TRPC7: variants seen among roughly 807,000 people sequenced by gnomAD.
The protein encoded by TRPC7 is transient receptor potential cation channel subfamily C member 7, also known as short transient receptor potential channel 7.
Under a neutral mutation model 90.1 loss-of-function variants are expected in TRPC7, and 42 were observed. That is an observed-to-expected ratio of 0.47 (90% confidence interval 0.36 to 0.60). The LOEUF (loss-of-function observed/expected upper bound fraction) is 0.60, where lower values mean the gene tolerates loss of function less well. TRPC7 is among the 20% of genes least tolerant of loss of function. The pLI is 0.00. For synonymous variants in TRPC7, 451 were observed against 436.3 expected (o/e 1.03, Z -0.42); for missense variants, 955 against 1,112.3 (o/e 0.86, Z 2.01).
chr5:136,232,387 T>G (rs2149797526), intron 7 of TRPC7, among the ~76,000 whole-genome samples: 1 of 152,350 alleles, frequency 6.6e-6, no homozygotes, highest in East Asian at 1.9e-4. Context: ...TGACCAGCTC[T>G]GTGGCGGGCT....
intron 3 of TRPC7, among the ~76,000 whole-genome samples, chr5:136,280,440 C>T (rs925944761): frequency 6.6e-6 from 1 of 152,192 alleles, no homozygotes; most frequent in African/African-American, 2.4e-5. Flanking sequence ...GCTCAATAAA[C>T]TTCTGTTGAG....
intron 2 of TRPC7, among the ~76,000 whole-genome samples, chr5:136,326,094 T>G (rs977510813): frequency 3.3e-5 from 5 of 152,150 alleles, no homozygotes; most frequent in Non-Finnish European, 5.9e-5. Flanking sequence ...GAAAAATGAG[T>G]GCTTAAAACC....
intron 5 of TRPC7, among the ~76,000 whole-genome samples, chr5:136,262,171 A>G (rs1173778792): frequency 6.6e-6 from 1 of 152,202 alleles, no homozygotes; most frequent in Non-Finnish European, 1.5e-5. Flanking sequence ...TTCTGCTCGT[A>G]TCCCACAATC....
chr5:136,282,738 T>G (rs1274615523), intron 3 of TRPC7, among the ~76,000 whole-genome samples: 6 of 152,190 alleles, frequency 3.9e-5, no homozygotes, highest in Non-Finnish European at 7.3e-5. Flanking sequence ...AACATGTGTG[T>G]AACCCAGATG....
At chr5:136,232,629 T>A (rs1561680888) in intron 7 of TRPC7, among the ~76,000 whole-genome samples, 1 of 152,216 alleles carries the variant, frequency 6.6e-6, no homozygotes, top group Non-Finnish European at 1.5e-5. Context: ...TTGGCCCTTT[T>A]GAGACTACGA....
At chr5:136,279,991 GA>G (rs397957114) in intron 3 of TRPC7, among the ~76,000 whole-genome samples, 195 of 146,578 alleles carry the variant, frequency 1.3e-3, no homozygotes, top group African/African-American at 4.2e-3. Context: ...CATCTCTACT[GA>G]AAAAAAAAAA....
chr5:136,254,473 A>G (rs1021101922), intron 5 of TRPC7, among the ~76,000 whole-genome samples: 12 of 152,204 alleles, frequency 7.9e-5, no homozygotes, highest in African/African-American at 2.7e-4. Flanking sequence ...GTGCTCTATA[A>G]GTGAAACAAA....
intron 3 of TRPC7, among the ~76,000 whole-genome samples, chr5:136,299,600 A>G (rs759201280): frequency 2.0e-5 from 3 of 152,202 alleles, no homozygotes; most frequent in Non-Finnish European, 4.4e-5. Flanking sequence ...AGAGTAATGC[A>G]TGTGGTACAT....
At chr5:136,243,885 G>A (rs1756247258) in intron 7 of TRPC7, among the ~76,000 whole-genome samples, 1 of 152,024 alleles carries the variant, frequency 6.6e-6, no homozygotes, top group Non-Finnish European at 1.5e-5. Context: ...TTTCTTCACT[G>A]TGCTTGCCGC....
intron 7 of TRPC7, among the ~76,000 whole-genome samples, chr5:136,234,880 G>A (rs1297174567): frequency 6.6e-6 from 1 of 152,068 alleles, no homozygotes; most frequent in African/African-American, 2.4e-5. Context: ...CTTATGGGCA[G>A]AGTTATGTCC....
At chr5:136,297,718 T>C (rs1157375958) in intron 3 of TRPC7, among the ~76,000 whole-genome samples, 2 of 152,180 alleles carry the variant, frequency 1.3e-5, no homozygotes, top group Non-Finnish European at 2.9e-5. Context: ...TTTAAGTAAA[T>C]TAAGGTCATA....
At chr5:136,363,392 A>T (rs1026705572) in intron 1 of TRPC7, among the ~76,000 whole-genome samples, 3 of 152,162 alleles carry the variant, frequency 2.0e-5, no homozygotes, top group Non-Finnish European at 4.4e-5. Flanking sequence ...CTTATTACAA[A>T]TATATTAATT....
rs1755150081 is a variant in TRPC7 at position 136,213,227 on chromosome 5, TAC to T, written c.*206_*207del. ...CCCCTCCTCCCATGGTAGCTTTTCTTACCCAACCACCTAGATTCACAGCAGTT... is the reference window on the plus strand; with the variant it reads ...CCCCTCCTCCCATGGTAGCTTTTCTTCCAACCACCTAGATTCACAGCAGTT... On this transcript the variant is annotated 3_prime_UTR_variant, in exon 12 of 12. Transcript: ENST00000513104. 2 of 580,052 alleles carry T rather than the reference TAC, an allele frequency of 3.4e-6. No homozygotes were observed. Among genetic ancestry groups the T allele is most frequent in the Middle Eastern group, 4.6e-4 (1 of 2,174 alleles). 35.9% of individuals were successfully genotyped at this position (580,052 alleles called of 1,614,324 possible). A position where few individuals can be genotyped will look rare whatever the true frequency, so the allele number is the denominator to read the frequency against.
chr5:136,332,784 CCT>C (rs1386350509), intron 2 of TRPC7, among the ~76,000 whole-genome samples: 5 of 152,192 alleles, frequency 3.3e-5, no homozygotes, highest in Non-Finnish European at 7.3e-5. Flanking sequence ...GCAAATACTT[CCT>C]CTCTCCCTTT....
intron 10 of TRPC7, among the ~76,000 whole-genome samples, chr5:136,221,908 T>C (rs949181029): frequency 6.6e-6 from 1 of 152,172 alleles, no homozygotes; most frequent in Non-Finnish European, 1.5e-5. Context: ...CTTGTTTACT[T>C]TGACCATGAA....
In TRPC7 at chr5:136,213,292, C is replaced by T. The variant is rs1179026933; in HGVS notation, c.*143G>A. 1.9e-5 allele frequency: 16 copies of T among 834,188 alleles called. No individual in the cohort carries two copies. Among genetic ancestry groups the T allele is most frequent in the Non-Finnish European group, 1.5e-5 (8 of 537,850 alleles). 51.7% of individuals were successfully genotyped at this position (834,188 alleles called of 1,614,324 possible). A position where few individuals can be genotyped will look rare whatever the true frequency, so the allele number is the denominator to read the frequency against. On this transcript the variant is annotated 3_prime_UTR_variant, in exon 12 of 12. Transcript: ENST00000513104. ...AGGCCAGCGGGCTGGAGATGTCAGT[C>T]ATGCTGCAAGAGACTGAGCCAGGAG...
At chr5:136,263,386 A>C (rs1317650990) in intron 5 of TRPC7, among the ~76,000 whole-genome samples, 1 of 152,256 alleles carries the variant, frequency 6.6e-6, no homozygotes, top group Non-Finnish European at 1.5e-5. Flanking sequence ...CCAGAGGCTC[A>C]CAACTGTAAC....
chr5:136,315,779 T>A lies in TRPC7; in HGVS notation c.781A>T (p.Asn261Tyr). The part of the protein sequence containing the change: ...RLANIETEFK[N>Y]DYRKLSMQCK... ...TGCATAGATAACTTCCTGTAATCGT[T>A]CTAACAGAATAGAGAGAAATCAGCG... The change falls in exon 3 of 12, where the codon AAC becomes TAC. Residue 261 changes from asparagine to tyrosine, a missense_variant and splice_region_variant. By Grantham distance (143) the Asn-to-Tyr change is moderately radical. Coordinates refer to ENST00000513104, the MANE Select transcript of TRPC7 (RefSeq NM_020389.3). 6.2e-7 allele frequency: 1 copy of A among 1,612,996 alleles called. No homozygotes were observed. Among genetic ancestry groups the A allele is most frequent in the South Asian group, 1.1e-5 (1 of 91,004 alleles).
intron 6 of TRPC7, among the ~76,000 whole-genome samples, chr5:136,251,224 A>G (rs149701780): frequency 2.8e-4 from 43 of 152,318 alleles, no homozygotes; most frequent in African/African-American, 9.6e-4. Flanking sequence ...ATAACTAGGA[A>G]AGCAGGATTT....
Sources: allele counts gnomAD v4.1 joint callset (sites outside exome capture counted in the v4.1 genomes callset), GRCh38; gene constraint gnomAD v4.1.1; transcripts MANE v1.5; gene names NCBI Gene and HGNC (gene_info 2026-07-23, HGNC 2026-07-21).